CCDC102B: variants seen among roughly 807,000 people sequenced by gnomAD.
The protein encoded by CCDC102B is coiled-coil domain containing 102B, also known as coiled-coil domain-containing protein 102B.
In CCDC102B, 75 loss-of-function variants were observed where a neutral mutation model predicts 57.4. That is an observed-to-expected ratio of 1.31 (90% CI 1.08 to 1.58). CCDC102B has a LOEUF of 1.58. Among genes scored for constraint, CCDC102B ranks in the 40% most tolerant of loss-of-function variants. CCDC102B has a pLI of 0.00. For synonymous variants in CCDC102B, 206 were observed against 201.9 expected (o/e 1.02, Z -0.17); for missense variants, 636 against 582.6 (o/e 1.09, Z -0.94).
At chr18:68,808,707 T>C (rs938614083) in intron 1 of CCDC102B, among the ~76,000 whole-genome samples, 1 of 152,128 alleles carries the variant, frequency 6.6e-6, no homozygotes, top group South Asian at 2.1e-4. Flanking sequence ...CTCGATCTCC[T>C]GACCTCTTGA....
intron 6 of CCDC102B, among the ~76,000 whole-genome samples, chr18:68,911,866 A>G (rs1032358034): frequency 4.7e-5 from 7 of 149,434 alleles, no homozygotes; most frequent in Non-Finnish European, 1.0e-4. Flanking sequence ...GAATTTACCT[A>G]CATGTACCCC....
At chr18:68,970,951 G>A (rs529437137) in intron 6 of CCDC102B, among the ~76,000 whole-genome samples, 6 of 151,852 alleles carry the variant, frequency 4.0e-5, no homozygotes, top group African/African-American at 1.4e-4. Context: ...CAGTATATAT[G>A]TATATATTAT....
Position 68,846,520 on chromosome 18 carries a change from AG to A in CCDC102B, c.936+102del, listed in dbSNP as rs557837465. 8.2e-3 allele frequency: 5,367 copies of A among 653,030 alleles called. 31 individuals carry two copies. Among genetic ancestry groups the A allele is most frequent in the Non-Finnish European group, 9.5e-3 (3,824 of 401,618 alleles). 40.5% of individuals were successfully genotyped at this position (653,030 alleles called of 1,614,324 possible). Reference sequence around the variant, plus strand: ...CAGAAAGGCACAACAGATAAGAGGAAGGGAGGTTAAAAATTGGAATTTCCTC... The same window carrying A: ...CAGAAAGGCACAACAGATAAGAGGAAGGAGGTTAAAAATTGGAATTTCCTC... On this transcript the variant is annotated intron_variant, in intron 4 of 7. Coordinates refer to ENST00000360242, the MANE Select transcript of CCDC102B (RefSeq NM_024781.3).
At chr18:68,844,261 A>G (rs1327495560) in intron 3 of CCDC102B, among the ~76,000 whole-genome samples, 1 of 151,838 alleles carries the variant, frequency 6.6e-6, no homozygotes, top group Non-Finnish European at 1.5e-5. Context: ...TATGATTTTA[A>G]CTCTAGGTAT....
intron 5 of CCDC102B, among the ~76,000 whole-genome samples, chr18:68,877,492 A>G (rs1324125289): frequency 6.6e-6 from 1 of 152,204 alleles, no homozygotes; most frequent in Non-Finnish European, 1.5e-5. Context: ...GACCCTGTTT[A>G]CTGCGTCCCA....
At chr18:68,813,740 T>C (rs2036362798) in intron 1 of CCDC102B, among the ~76,000 whole-genome samples, 1 of 150,584 alleles carries the variant, frequency 6.6e-6, no homozygotes, top group Non-Finnish European at 1.5e-5. Context: ...TTGGGAACAT[T>C]GCAGCAAAGA....
intron 2 of CCDC102B, among the ~76,000 whole-genome samples, chr18:68,738,606 G>A (rs2033248075): frequency 6.6e-6 from 1 of 152,172 alleles, no homozygotes; most frequent in Non-Finnish European, 1.5e-5. Flanking sequence ...ATGCATCTCT[G>A]CCACGATGGC....
At chr18:69,035,336 T>G (rs2052260533) in intron 7 of CCDC102B, among the ~76,000 whole-genome samples, 1 of 152,038 alleles carries the variant, frequency 6.6e-6, no homozygotes, top group Admixed American at 6.6e-5. Flanking sequence ...TCCATGAAAA[T>G]GTGAAAATCC....
chr18:69,034,904 G>GTT (rs1400943672), intron 7 of CCDC102B, among the ~76,000 whole-genome samples: 1 of 151,702 alleles, frequency 6.6e-6, no homozygotes, highest in Non-Finnish European at 1.5e-5. Flanking sequence ...TTCGGTCACT[G>GTT]TAATTGTCCA....
intron 2 of CCDC102B, among the ~76,000 whole-genome samples, chr18:68,763,926 G>A (rs1051747493): frequency 9.9e-5 from 15 of 151,984 alleles, no homozygotes; most frequent in African/African-American, 3.6e-4. Context: ...TGAATGCCAT[G>A]TGCCTAAACA....
At chr18:68,783,636 G>A (rs1568247749) in intron 2 of CCDC102B, among the ~76,000 whole-genome samples, 1 of 152,068 alleles carries the variant, frequency 6.6e-6, no homozygotes, top group Non-Finnish European at 1.5e-5. Context: ...TCAGATATTG[G>A]GTGATGTAGT....
At position 68,747,508 on chromosome 18, in the gene CCDC102B, A is replaced by G. The variant is rs1483106815; in HGVS notation, c.-67+30914A>G. On this transcript the variant is annotated intron_variant, in intron 2 of 3. Coordinates refer to the CCDC102B transcript ENST00000578970. ...AACCTAAACTTTATACCCATTAAAC[A>G]ACAATTTTCTATCTTCCTATCCCCA... 1.3e-5 allele frequency among the ~76,000 whole-genome samples: 2 copies of G among 152,090 alleles called. 1 individual carries two copies. The highest frequency in any genetic ancestry group is 2.9e-5 in the Non-Finnish European group (2 of 67,982).
chr18:68,839,745 T>A (rs999484126), intron 3 of CCDC102B, among the ~76,000 whole-genome samples: 7 of 152,030 alleles, frequency 4.6e-5, no homozygotes. Context: ...TTTAAGGGGG[T>A]GCTTGGCTTC....
chr18:68,979,747 G>A (rs1190843011), intron 6 of CCDC102B, among the ~76,000 whole-genome samples: 3 of 151,970 alleles, frequency 2.0e-5, no homozygotes, highest in African/African-American at 4.8e-5. Flanking sequence ...AAAAATAATA[G>A]GTGAAATGGA....
chr18:68,911,699 C>T (rs912516495), intron 6 of CCDC102B, among the ~76,000 whole-genome samples: 2 of 129,200 alleles, frequency 1.5e-5, no homozygotes, highest in Non-Finnish European at 3.1e-5. Flanking sequence ...TTGCAGTGAG[C>T]CGAGATCGCG....
chr18:69,019,136 TTAA>T (rs1049582361), intron 7 of CCDC102B, among the ~76,000 whole-genome samples: 1 of 152,124 alleles, frequency 6.6e-6, no homozygotes, highest in African/African-American at 2.4e-5. Context: ...CTATCAATTT[TTAA>T]TAAGAAGTGA....
chr18:68,996,101 G>C (rs147153841), intron 6 of CCDC102B, among the ~76,000 whole-genome samples: 29 of 152,350 alleles, frequency 1.9e-4, no homozygotes, highest in Non-Finnish European at 3.7e-4. Context: ...GCGTGTGTCT[G>C]TGAGGGTGTT....
chr18:68,899,856 A>G (rs1394573898), intron 6 of CCDC102B: 2 of 152,160 alleles, frequency 1.3e-5, no homozygotes, highest in Admixed American at 6.6e-5. Context: ...CCAGTTTTAA[A>G]TTGCACTATT....
chr18:68,740,533 G>A (rs1221539436), intron 2 of CCDC102B, among the ~76,000 whole-genome samples: 1 of 152,088 alleles, frequency 6.6e-6, no homozygotes, highest in Non-Finnish European at 1.5e-5. Flanking sequence ...CTCTAACATC[G>A]ATGTGAGATT....
Sources: allele counts gnomAD v4.1 joint callset (sites outside exome capture counted in the v4.1 genomes callset), GRCh38; gene constraint gnomAD v4.1.1; transcripts MANE v1.5; gene names NCBI Gene and HGNC (gene_info 2026-07-23, HGNC 2026-07-21).